The following PLCG1 variants were observed in gnomAD, a reference collection of about 807,000 sequenced individuals.
PLCG1 encodes 1-phosphatidylinositol 4,5-bisphosphate phosphodiesterase gamma-1.
PLCG1 carries 71 observed loss-of-function variants against 177.8 expected under a neutral mutation model. The observed-to-expected ratio is 0.40, with a 90% CI of 0.33 to 0.49. The LOEUF (loss-of-function observed/expected upper bound fraction) is 0.49. PLCG1 is among the 20% of genes least tolerant of loss of function. PLCG1 has a pLI of 0.72. For missense variants in PLCG1, 1,281 were observed against 1,709.0 expected, an observed-to-expected ratio of 0.75 and a Z score of 4.42; for synonymous variants, 658 against 647.9, an observed-to-expected ratio of 1.02 and a Z score of -0.24.
chr20:41,154,585 G>A (rs1397654042), intron 1 of PLCG1, among the ~76,000 whole-genome samples: 2 of 152,078 alleles, frequency 1.3e-5, no homozygotes, highest in Non-Finnish European at 2.9e-5. Context: ...AAGAGAGCTA[G>A]TGGCAGGCCT....
In PLCG1 at chr20:41,156,684, A is replaced by G. The variant is rs141096850; in HGVS notation, c.218-2922A>G. 6.6e-6 allele frequency among the ~76,000 whole-genome samples: 1 copy of G among 152,278 alleles called. No individual in the cohort carries two copies. Among genetic ancestry groups the G allele is most frequent in the Non-Finnish European group, 1.5e-5 (1 of 68,016 alleles). On this transcript the variant is annotated intron_variant, in intron 1 of 31. Coordinates refer to ENST00000685551, the MANE Select transcript of PLCG1 (RefSeq NM_002660.3). This position sits in a 1 kb window ranked among gnomAD's most constrained non-coding sequence, Gnocchi z 5.0. ...AGTGCTAGGTCATGGATTTTTGGGT[A>G]TAACGTGTGACTTTCCTACTCCCCT...
At chr20:41,155,930 T>G (rs1032382364) in intron 1 of PLCG1, among the ~76,000 whole-genome samples, 2 of 152,170 alleles carry the variant, frequency 1.3e-5, no homozygotes, top group African/African-American at 4.8e-5. Flanking sequence ...AAGAGCTGTG[T>G]GGTTCTCCTC....
chr20:41,167,272 TG>T lies in PLCG1; in HGVS notation c.2301+414del, dbSNP rs1177503811. 6.6e-6 allele frequency among the ~76,000 whole-genome samples: 1 copy of T among 151,844 alleles called. No individual in the cohort carries two copies. On this transcript the variant is annotated intron_variant, in intron 19 of 31. Coordinates refer to ENST00000685551, the MANE Select transcript of PLCG1 (RefSeq NM_002660.3). This position sits in a 1 kb window ranked among gnomAD's most constrained non-coding sequence, Gnocchi z 4.4. ...GTATGGAGGGCAGAGCCACAGGAGG[TG>T]AGACCAGTGAGGGAAAAAGTCAGGA...
intron 1 of PLCG1, among the ~76,000 whole-genome samples, chr20:41,138,648 T>C (rs2034701229): frequency 6.6e-6 from 1 of 152,098 alleles, no homozygotes; most frequent in South Asian, 2.1e-4. Context: ...TCAGGTATTC[T>C]TCTCAGGAGT....
chr20:41,173,386 G>A lies in PLCG1; in HGVS notation c.3280-34G>A, dbSNP rs749956053. ...AGTGGGGAATTGGAGGGAGCAGGAAGGACAATCCCAGGCCCTTCTTTGTCT... is the reference window on the plus strand; with the variant it reads ...AGTGGGGAATTGGAGGGAGCAGGAAAGACAATCCCAGGCCCTTCTTTGTCT... On this transcript the variant is annotated intron_variant, in intron 27 of 31. Coordinates refer to ENST00000685551, the MANE Select transcript of PLCG1 (RefSeq NM_002660.3). This position sits in a 1 kb window ranked among gnomAD's most constrained non-coding sequence, Gnocchi z 6.2. 2 of 1,533,298 alleles carry A rather than the reference G, an allele frequency of 1.3e-6. No homozygotes were observed. Among genetic ancestry groups the A allele is most frequent in the Non-Finnish European group, 8.8e-7 (1 of 1,138,502 alleles). 95.0% of individuals were successfully genotyped at this position (1,533,298 alleles called of 1,614,324 possible).
intron 20 of PLCG1, 62 bp from the exon 21 acceptor site, chr20:41,168,705 C>T (rs1344389872): frequency 1.0e-6 from 1 of 991,102 alleles, no homozygotes; most frequent in Admixed American, 1.9e-5. Flanking sequence ...GCACATGAAG[C>T]CCCAGGTTGG....
chr20:41,145,821 T>C (rs2034979224), intron 1 of PLCG1, among the ~76,000 whole-genome samples: 1 of 152,200 alleles, frequency 6.6e-6, no homozygotes, highest in Non-Finnish European at 1.5e-5. Context: ...AGATGGGACT[T>C]GGAGAGTCTC....
chr20:41,169,015 A>C (rs2035801311), intron 21 of PLCG1, 64 bp from the exon 22 acceptor site: 3 of 1,351,450 alleles, frequency 2.2e-6, no homozygotes, highest in South Asian at 2.3e-5. Context: ...CCCCTACCAA[A>C]GGATACCCTC....
At chr20:41,142,018 C>G (rs1173972163) in intron 1 of PLCG1, among the ~76,000 whole-genome samples, 1 of 152,196 alleles carries the variant, frequency 6.6e-6, no homozygotes, top group Non-Finnish European at 1.5e-5. Context: ...CCCCATTTGC[C>G]CAGTGCTAGG....
Position 41,174,504 on chromosome 20 carries a change from C to T in PLCG1, c.3871C>T (p.Leu1291Phe), listed in dbSNP as rs1183727614. Residue 1291 changes from leucine to phenylalanine, a missense_variant, in exon 32 of 32, where the codon CTC becomes TTC. By Grantham distance (22) the Leu-to-Phe change is conservative (BLOSUM62 0). Around this residue, in one of 4 missense-constraint regions of PLCG1, gnomAD observed 153 missense variants for 153.2 expected, o/e 1.00. Transcript: ENST00000685551. The surrounding 1 kb of genome is among the most constrained non-coding windows in gnomAD (Gnocchi z 5.8). ...GACTCGGGTCAATGGAGACAACCGC[C>T]TCTAGTTGTACCCCAGCCTCGTTGG... is the stretch of plus-strand genomic sequence containing the variant. ...RRTRVNGDNR[L>F] 8 of 1,586,434 alleles carry T rather than the reference C, an allele frequency of 5.0e-6. No homozygotes were observed. The Admixed American group carries it at 7.1e-5, about 14-fold the overall frequency.
rs780599302 is a variant in PLCG1 at position 41,174,006 on chromosome 20, G to A, written c.3640G>A (p.Ala1214Thr). 1.9e-6 allele frequency: 3 copies of A among 1,613,916 alleles called. No homozygotes were observed. The Admixed American group carries it at 5.0e-5, about 27-fold the overall frequency. ...SLLIKIDIFP[A>T]KQENGDLSPF... ...GCTGATCAAGATTGACATTTTCCCT[G>A]CCAAGGTATCTGCAGCAGGGGTGGG... The change falls in exon 30 of 32, where the codon GCC (alanine) becomes ACC (threonine). Residue 1214 changes from alanine to threonine, a missense_variant. Ala to Thr is a moderately conservative substitution (Grantham distance 58). Around this residue, in one of 4 missense-constraint regions of PLCG1, gnomAD observed 153 missense variants for 153.2 expected, o/e 1.00. Coordinates refer to ENST00000685551, the MANE Select transcript of PLCG1 (RefSeq NM_002660.3). The surrounding 1 kb of genome is among the most constrained non-coding windows in gnomAD (Gnocchi z 5.8).
rs2035160006 is a variant in PLCG1 at position 41,151,336 on chromosome 20, GT to G, written c.218-8267del. ...CATGACAAGACCCTTTGGACCCTCT[GT>G]TTCCTCATTGTTTCAAAGAGATTTG... On this transcript the variant is annotated intron_variant, in intron 1 of 31. Coordinates refer to ENST00000685551, the MANE Select transcript of PLCG1 (RefSeq NM_002660.3). This position sits in a 1 kb window ranked among gnomAD's most constrained non-coding sequence, Gnocchi z 5.5. Among the ~76,000 whole-genome samples, 1 of 152,136 alleles carries G rather than the reference GT, an allele frequency of 6.6e-6. No homozygotes were observed.
Position 41,174,037 on chromosome 20 carries a change from C to G in PLCG1, c.3645+26C>G, listed in dbSNP as rs1366822815. On this transcript the variant is annotated intron_variant, in intron 30 of 31. Coordinates refer to ENST00000685551, the MANE Select transcript of PLCG1 (RefSeq NM_002660.3). This position sits in a 1 kb window ranked among gnomAD's most constrained non-coding sequence, Gnocchi z 5.8. Reference sequence around the variant, plus strand: ...GTATCTGCAGCAGGGGTGGGCTGGCCTGGGGTAGGTGGGAGGAGAGCCAGG... The same window carrying G: ...GTATCTGCAGCAGGGGTGGGCTGGCGTGGGGTAGGTGGGAGGAGAGCCAGG... 6.2e-7 allele frequency: 1 copy of G among 1,610,986 alleles called. No individual in the cohort carries two copies. Among genetic ancestry groups the G allele is most frequent in the Admixed American group, 1.7e-5 (1 of 60,016 alleles).
chr20:41,167,026 G>C lies in PLCG1; in HGVS notation c.2301+167G>C. 1.5e-6 allele frequency: 1 copy of C among 648,132 alleles called. No homozygotes were observed. Among genetic ancestry groups the C allele is most frequent in the Non-Finnish European group, 2.7e-6 (1 of 366,644 alleles). The allele number at this position is 648,132 out of a possible 1,614,324, so 40.1% of individuals were successfully genotyped here. On this transcript the variant is annotated intron_variant, in intron 19 of 31. Transcript: ENST00000685551. This position sits in a 1 kb window ranked among gnomAD's most constrained non-coding sequence, Gnocchi z 4.4. ...CAGTGTGGGTACCAGGAGGGTGTCT[G>C]CAGGAGGGGACATCTGAGCAGCATC...
chr20:41,173,511 C>T lies in PLCG1; in HGVS notation c.3371C>T (p.Thr1124Ile). ...GTGGCTGGAGCTGAGTATGACAGCA[C>T]CAAGCAGAAGACAGAGTTTGTGGGT... ...IEVAGAEYDS[T>I]KQKTEFVVDN... The change falls in exon 28 of 32, where the codon ACC becomes ATC. Residue 1124 changes from threonine to isoleucine, a missense_variant. Physicochemically the swap from Thr to Ile is moderately conservative, Grantham distance 89 (BLOSUM62 -1). Transcript: ENST00000685551. The surrounding 1 kb of genome is among the most constrained non-coding windows in gnomAD (Gnocchi z 6.2). 1 of 1,613,440 alleles carries T rather than the reference C, an allele frequency of 6.2e-7. No homozygotes were observed. Among genetic ancestry groups the T allele is most frequent in the Non-Finnish European group, 8.5e-7 (1 of 1,179,818 alleles).
Position 41,160,466 on chromosome 20 carries a change from A to G in PLCG1, c.512+313A>G, listed in dbSNP as rs2035460424. 6.6e-6 allele frequency among the ~76,000 whole-genome samples: 1 copy of G among 151,952 alleles called. No homozygotes were observed. Among genetic ancestry groups the G allele is most frequent in the Admixed American group, 6.6e-5 (1 of 15,256 alleles). ...AGTAGCGTGTGAAGGGTGCCCTGAA[A>G]CTCTGGCTCTGAGACCTGGTATGGC... On this transcript the variant is annotated intron_variant, in intron 4 of 31. Transcript: ENST00000685551. The surrounding 1 kb of genome is among the most constrained non-coding windows in gnomAD (Gnocchi z 5.5).
intron 1 of PLCG1, among the ~76,000 whole-genome samples, chr20:41,140,285 A>G (rs2034778809): frequency 6.6e-6 from 1 of 152,164 alleles, no homozygotes; most frequent in Non-Finnish European, 1.5e-5. Flanking sequence ...GACTTAACTA[A>G]TGGAGGCTTC....
At chr20:41,152,369 T>G (rs923584240) in intron 1 of PLCG1, among the ~76,000 whole-genome samples, 3 of 152,254 alleles carry the variant, frequency 2.0e-5, no homozygotes, top group African/African-American at 7.2e-5. Flanking sequence ...GGAATCTTTA[T>G]GTAAGGACTT....
chr20:41,157,204 C>CTG lies in PLCG1; in HGVS notation c.218-2366_218-2365dup, dbSNP rs35980938. ...GTGCAGGAGTGCAGGCCTGTTGACT[C>CTG]TGTGTGTGTGTGTGTGTGTGTGTGT... On this transcript the variant is annotated intron_variant, in intron 1 of 31. Transcript: ENST00000685551. The surrounding 1 kb of genome is among the most constrained non-coding windows in gnomAD (Gnocchi z 5.4). Among the ~76,000 whole-genome samples the CTG allele has an allele frequency of 0.051, 7,327 of 143,926 alleles. 203 individuals carry two copies. The highest frequency in any genetic ancestry group is 0.076 in the Middle Eastern group (22 of 290). 94.4% of individuals were successfully genotyped at this position (143,926 alleles called of 152,430 possible).
Sources: allele counts gnomAD v4.1 joint callset (sites outside exome capture counted in the v4.1 genomes callset), GRCh38; gene constraint gnomAD v4.1.1; regional missense constraint gnomAD v4.1.1; non-coding constraint Gnocchi (gnomAD v3.1); transcripts MANE v1.5; gene names NCBI Gene and HGNC (gene_info 2026-07-23, HGNC 2026-07-21).